FOXN3: variants seen among roughly 807,000 people sequenced by gnomAD.
FOXN3 encodes forkhead box protein N3.
A neutral mutation model predicts 38.4 loss-of-function variants in FOXN3; 7 were observed. The observed-to-expected ratio is 0.18, with a 90% CI of 0.10 to 0.34. The LOEUF (loss-of-function observed/expected upper bound fraction) is 0.34, where lower values mean the gene tolerates loss of function less well. Among genes scored for constraint, FOXN3 ranks in the 10% least tolerant of loss-of-function variants. The probability of loss-of-function intolerance (pLI) is 1.00; values close to 1 mark genes in which losing one functional copy is unlikely to be tolerated. For synonymous variants in FOXN3, 230 were observed against 242.2 expected, an observed-to-expected ratio of 0.95 and a Z score of 0.47; for missense variants, 456 against 613.4, an observed-to-expected ratio of 0.74 and a Z score of 2.71.
intron 4 of FOXN3, among the ~76,000 whole-genome samples, chr14:89,221,053 A>C (rs1394405686): frequency 1.3e-5 from 2 of 152,072 alleles, no homozygotes; most frequent in Non-Finnish European, 2.9e-5. Context: ...TTACACCAAC[A>C]AGCAGCAGAG....
chr14:89,292,855 C>A (rs1886919503), intron 3 of FOXN3, among the ~76,000 whole-genome samples: 1 of 152,218 alleles, frequency 6.6e-6, no homozygotes, highest in Non-Finnish European at 1.5e-5. Flanking sequence ...CGCACGACCT[C>A]CCACATGCAC....
At position 89,538,875 on chromosome 14, in the gene FOXN3, A is replaced by C. The variant is rs180973393; in HGVS notation, c.-15+80153T>G. ...TTATTTATTTTTGAGACGGAGTCTC[A>C]CTCTGTCGCCCCGGCTGGAGTGCAG... On this transcript the variant is annotated intron_variant, in intron 1 of 6. Transcript: ENST00000345097. Among the ~76,000 whole-genome samples the C allele has an allele frequency of 1.7e-3, 254 of 149,186 alleles. 5 individuals are homozygous for C. The highest frequency in any genetic ancestry group is 1.8e-4 in the Non-Finnish European group (12 of 67,262).
intron 4 of FOXN3, among the ~76,000 whole-genome samples, chr14:89,242,254 T>G (rs1321582294): frequency 6.6e-6 from 1 of 152,150 alleles, no homozygotes; most frequent in Non-Finnish European, 1.5e-5. Flanking sequence ...CTATTATACA[T>G]GCTTGGCCTT....
At chr14:89,574,465 C>A (rs1307053104) in intron 1 of FOXN3, among the ~76,000 whole-genome samples, 1 of 152,056 alleles carries the variant, frequency 6.6e-6, no homozygotes, top group African/African-American at 2.4e-5. Flanking sequence ...AGAGAGAGAA[C>A]CAGTGGGTGC....
intron 1 of FOXN3, among the ~76,000 whole-genome samples, chr14:89,415,868 A>ACACACACACACACACACACACACACACAC (rs1891692409): frequency 6.6e-6 from 1 of 151,238 alleles, no homozygotes; most frequent in Non-Finnish European, 1.5e-5. Context: ...ACACACACAC[A>ACACACACACACACACACACACACACACAC]CACACACACA....
chr14:89,203,192 T>C (rs548561669), intron 4 of FOXN3, among the ~76,000 whole-genome samples: 1 of 152,204 alleles, frequency 6.6e-6, no homozygotes, highest in East Asian at 1.9e-4. Flanking sequence ...CAATAGGTAC[T>C]CCAGGGGGCT....
At chr14:89,467,621 C>CTT (rs779424121) in intron 1 of FOXN3, among the ~76,000 whole-genome samples, 8 of 138,532 alleles carry the variant, frequency 5.8e-5, no homozygotes, top group African/African-American at 7.9e-5. Flanking sequence ...TTCCCTCTTG[C>CTT]TTTTTTTTTT....
intron 1 of FOXN3, among the ~76,000 whole-genome samples, chr14:89,573,829 C>T (rs73315212): frequency 0.016 from 2,500 of 152,080 alleles, 52 homozygotes; most frequent in African/African-American, 0.055. Flanking sequence ...CCCATAAGTT[C>T]GAGACCAGCC....
chr14:89,181,254 T>C (rs1452655492), intron 4 of FOXN3, among the ~76,000 whole-genome samples: 1 of 152,034 alleles, frequency 6.6e-6, no homozygotes, highest in Admixed American at 6.6e-5. Context: ...TTTTCTCACA[T>C]TTATTAAACA....
chr14:89,449,736 A>C (rs1461987933), intron 1 of FOXN3, among the ~76,000 whole-genome samples: 5 of 152,140 alleles, frequency 3.3e-5, no homozygotes, highest in Non-Finnish European at 5.9e-5. Context: ...CCCCATATGC[A>C]TACAATTCAG....
At chr14:89,212,820 T>A (rs985108105) in intron 4 of FOXN3, among the ~76,000 whole-genome samples, 1 of 152,186 alleles carries the variant, frequency 6.6e-6, no homozygotes, top group African/African-American at 2.4e-5. Context: ...AAAGAGCTGT[T>A]TGCCTCCAGG....
At chr14:89,615,829 G>A (rs1027903991) in intron 1 of FOXN3, among the ~76,000 whole-genome samples, 8 of 152,002 alleles carry the variant, frequency 5.3e-5, no homozygotes, top group African/African-American at 1.7e-4. Flanking sequence ...ATATTTCTAC[G>A]ACATACATGC....
intron 2 of FOXN3, among the ~76,000 whole-genome samples, chr14:89,363,433 G>A (rs1889958217): frequency 6.6e-6 from 1 of 152,248 alleles, no homozygotes; most frequent in Admixed American, 6.5e-5. Flanking sequence ...ATTCTGGAAA[G>A]AATCCCCACA....
intron 1 of FOXN3, among the ~76,000 whole-genome samples, chr14:89,531,791 C>A (rs1322590625): frequency 8.1e-6 from 1 of 122,998 alleles, no homozygotes; most frequent in Non-Finnish European, 1.7e-5. Flanking sequence ...GACTTAAACG[C>A]CAGTGGTTCT....
chr14:89,336,416 C>T (rs1888462842), intron 3 of FOXN3, among the ~76,000 whole-genome samples: 1 of 152,184 alleles, frequency 6.6e-6, no homozygotes, highest in South Asian at 2.1e-4. Context: ...ACCCTAAATT[C>T]CTTTTTAACA....
At chr14:89,308,473 G>A (rs1481648689) in intron 3 of FOXN3, among the ~76,000 whole-genome samples, 3 of 152,196 alleles carry the variant, frequency 2.0e-5, no homozygotes, top group Non-Finnish European at 4.4e-5. Flanking sequence ...TAATCCCACT[G>A]TCTTCAGGCT....
chr14:89,460,268 G>A (rs2139726324), intron 1 of FOXN3, among the ~76,000 whole-genome samples: 1 of 152,214 alleles, frequency 6.6e-6, no homozygotes, highest in Non-Finnish European at 1.5e-5. Flanking sequence ...CAAATACTAA[G>A]TGCTTCAATT....
At chr14:89,413,964 A>AAGG (rs1891620415) in intron 1 of FOXN3, among the ~76,000 whole-genome samples, 1 of 110,854 alleles carries the variant, frequency 9.0e-6, no homozygotes, top group African/African-American at 4.3e-5. Flanking sequence ...AGGAGGAGGG[A>AAGG]TGGAGGAGGA....
chr14:89,580,307 G>C (rs1224988023), intron 1 of FOXN3, among the ~76,000 whole-genome samples: 1 of 152,178 alleles, frequency 6.6e-6, no homozygotes, highest in African/African-American at 2.4e-5. Context: ...CAGATTACAA[G>C]GTGTTCTGTA....
Sources: allele counts gnomAD v4.1 joint callset (sites outside exome capture counted in the v4.1 genomes callset), GRCh38; gene constraint gnomAD v4.1.1; transcripts MANE v1.5; gene names NCBI Gene and HGNC (gene_info 2026-07-23, HGNC 2026-07-21).